CTNNA3: variants seen among roughly 807,000 people sequenced by gnomAD.
The protein encoded by CTNNA3 is catenin alpha-3.
CTNNA3 carries 76 observed loss-of-function variants against 95.7 expected under a neutral mutation model. That is an observed-to-expected ratio of 0.79 (90% CI 0.66 to 0.96). The LOEUF is 0.96. Among genes scored for constraint, CTNNA3 ranks in the 40% least tolerant of loss-of-function variants. The pLI, the probability that CTNNA3 is intolerant of heterozygous loss-of-function variation, is 0.00. For missense variants in CTNNA3, 1,191 were observed against 1,089.8 expected (o/e 1.09, Z -1.31); for synonymous variants, 431 against 374.4 (o/e 1.15, Z -1.74).
At chr10:67,445,061 A>G (rs1258663827) in intron 5 of CTNNA3, among the ~76,000 whole-genome samples, 3 of 152,182 alleles carry the variant, frequency 2.0e-5, no homozygotes, top group African/African-American at 7.2e-5. Flanking sequence ...ACTCTGAAAA[A>G]TAAAGGAGGG....
At chr10:66,335,992 C>T (rs937825849) in intron 12 of CTNNA3, among the ~76,000 whole-genome samples, 4 of 152,096 alleles carry the variant, frequency 2.6e-5, no homozygotes, top group African/African-American at 9.6e-5. Flanking sequence ...GCTGTGCTAG[C>T]AATGAGCGAG....
intron 5 of CTNNA3, among the ~76,000 whole-genome samples, chr10:67,223,617 CAT>C (rs1430200098): frequency 1.3e-5 from 2 of 152,144 alleles, no homozygotes; most frequent in African/African-American, 4.8e-5. Flanking sequence ...AGAGAAGTAA[CAT>C]ATGAGTTTTA....
At position 66,935,389 on chromosome 10, in the gene CTNNA3, G is replaced by C. The variant is rs566756687; in HGVS notation, c.1048-159865C>G. Reference sequence around the variant, plus strand: ...CTCTCCAAGAAGTTTAAAATTCAGCGCTTTGAGATTAGTGTTGGCATGTAC... The same window carrying C: ...CTCTCCAAGAAGTTTAAAATTCAGCCCTTTGAGATTAGTGTTGGCATGTAC... On this transcript the variant is annotated intron_variant, in intron 7 of 17. Transcript: ENST00000433211. 5.9e-3 allele frequency among the ~76,000 whole-genome samples: 893 copies of C among 152,158 alleles called. 11 individuals are homozygous for C. The highest frequency in any genetic ancestry group is 0.027 in the Middle Eastern group (8 of 294).
chr10:66,202,132 AG>A (rs1200937898), intron 13 of CTNNA3, among the ~76,000 whole-genome samples: 1 of 152,208 alleles, frequency 6.6e-6, no homozygotes, highest in Admixed American at 6.5e-5. Flanking sequence ...CTACTGCAAA[AG>A]TTTAAACAAA....
At chr10:66,576,257 A>C (rs1350688515) in intron 10 of CTNNA3, among the ~76,000 whole-genome samples, 1 of 152,118 alleles carries the variant, frequency 6.6e-6, no homozygotes, top group Non-Finnish European at 1.5e-5. Context: ...TGATTCAATT[A>C]AGTCTGGGGT....
intron 10 of CTNNA3, among the ~76,000 whole-genome samples, chr10:66,522,062 C>T (rs1841086008): frequency 6.6e-6 from 1 of 152,090 alleles, no homozygotes; most frequent in African/African-American, 2.4e-5. Context: ...TGCTATTAAT[C>T]ATTGGTTTCC....
rs2077971446 is a variant in CTNNA3, at chr10:65,966,610, A to C, written c.2400+2T>G. ...ATCATGTAAGTGCTAGGCAGTACTC[A>C]CAGCTGACATGATGAGCTCTCCTCC... On this transcript the variant is annotated splice_donor_variant, in intron 17 of 17. Coordinates refer to ENST00000433211, the MANE Select transcript of CTNNA3 (RefSeq NM_013266.4). LOFTEE classifies it high-confidence loss of function. 2 of 1,612,924 alleles carry C rather than the reference A, an allele frequency of 1.2e-6. No individual in the cohort carries two copies. Among genetic ancestry groups the C allele is most frequent in the Non-Finnish European group, 1.7e-6 (2 of 1,179,328 alleles).
intron 7 of CTNNA3, among the ~76,000 whole-genome samples, chr10:66,860,100 G>C (rs11593593): frequency 6.9e-6 from 1 of 145,166 alleles, no homozygotes; most frequent in African/African-American, 2.6e-5. Flanking sequence ...ATACCAGCAT[G>C]GCACATGTAT....
At chr10:66,685,325 G>GTGTATATATATA (rs1361815002) in intron 9 of CTNNA3, among the ~76,000 whole-genome samples, 1 of 30,004 alleles carries the variant, frequency 3.3e-5, no homozygotes, top group African/African-American at 1.4e-4. Flanking sequence ...GTGTATGTGT[G>GTGTATATATATA]TATATATATA....
At chr10:67,408,882 C>CAAAAAAAAAAAAA (rs766212790) in intron 5 of CTNNA3, among the ~76,000 whole-genome samples, 1 of 97,210 alleles carries the variant, frequency 1.0e-5, no homozygotes, top group African/African-American at 3.8e-5. Flanking sequence ...CTTAAATTTA[C>CAAAAAAAAAAAAA]AAAAAAAAAA....
chr10:66,410,319 A>G (rs561800339), intron 11 of CTNNA3, among the ~76,000 whole-genome samples: 3 of 152,326 alleles, frequency 2.0e-5, no homozygotes, highest in African/African-American at 7.2e-5. Context: ...ATCTTCAGAT[A>G]GAAACACTCA....
chr10:66,958,206 T>C (rs976024837), intron 7 of CTNNA3, among the ~76,000 whole-genome samples: 38 of 151,460 alleles, frequency 2.5e-4, no homozygotes, highest in African/African-American at 8.7e-4. Context: ...AAATAAATAT[T>C]CTAATTGGCC....
intron 12 of CTNNA3, among the ~76,000 whole-genome samples, chr10:66,360,598 T>C: frequency 2.8e-5 from 1 of 35,524 alleles, no homozygotes; most frequent in South Asian, 1.5e-3. Context: ...ATTCTTTCCT[T>C]CTTTCTTTCT....
chr10:66,619,346 T>C (rs1408046985), intron 10 of CTNNA3, among the ~76,000 whole-genome samples: 1 of 147,940 alleles, frequency 6.8e-6, no homozygotes, highest in African/African-American at 2.5e-5. Flanking sequence ...ATTAAGAAAA[T>C]GTGGCACATA....
intron 5 of CTNNA3, among the ~76,000 whole-genome samples, chr10:67,364,759 T>G (rs760899034): frequency 6.6e-6 from 1 of 152,174 alleles, no homozygotes; most frequent in Non-Finnish European, 1.5e-5. Flanking sequence ...TCCATGCTCA[T>G]GGATAGGAAG....
intron 7 of CTNNA3, among the ~76,000 whole-genome samples, chr10:67,016,654 G>T (rs978455010): frequency 8.5e-5 from 13 of 152,104 alleles, no homozygotes; most frequent in South Asian, 2.1e-4. Flanking sequence ...AAATATTTTT[G>T]GGGGAAAGGC....
chr10:66,887,016 A>G (rs1845068687), intron 7 of CTNNA3, among the ~76,000 whole-genome samples: 1 of 152,168 alleles, frequency 6.6e-6, no homozygotes, highest in Non-Finnish European at 1.5e-5. Flanking sequence ...GTCTCAAACT[A>G]ATGTTGAGTT....
chr10:67,311,570 AT>A (rs1192468702), intron 5 of CTNNA3, among the ~76,000 whole-genome samples: 2 of 152,166 alleles, frequency 1.3e-5, no homozygotes, highest in East Asian at 3.9e-4. Flanking sequence ...GAATGGCTAC[AT>A]TTCTCAAAAC....
chr10:67,289,743 AAAGG>A (rs199600826), intron 5 of CTNNA3, among the ~76,000 whole-genome samples: 3 of 150,928 alleles, frequency 2.0e-5, no homozygotes, highest in African/African-American at 7.4e-5. Flanking sequence ...TGGATCCAAC[AAAGG>A]AAGGATGGAT....
Sources: gnomAD v4.1 joint callset for allele counts (sites outside exome capture counted in the v4.1 genomes callset) on GRCh38, gnomAD v4.1.1 for gene constraint, MANE v1.5 for transcripts, NCBI Gene and HGNC (gene_info 2026-07-23, HGNC 2026-07-21) for gene names.